Variants in HDAC9 observed in about 807,000 individuals in gnomAD.
HDAC9 encodes histone deacetylase 9.
In HDAC9, 41 loss-of-function variants were observed where a neutral mutation model predicts 139.4. The ratio of observed to expected loss-of-function variants is 0.29; its 90% CI spans 0.23 to 0.38. The LOEUF (loss-of-function observed/expected upper bound fraction) is 0.38. HDAC9 is among the 10% of genes least tolerant of loss of function. The probability of loss-of-function intolerance (pLI) is 1.00; values close to 1 mark genes in which losing one functional copy is unlikely to be tolerated. For synonymous variants in HDAC9, 517 were observed against 476.2 expected (o/e 1.09, Z -1.12); for missense variants, 1,147 against 1,297.0 (o/e 0.88, Z 1.78).
At chr7:18,876,889 A>G (rs1437179420) in intron 22 of HDAC9, among the ~76,000 whole-genome samples, 1 of 151,856 alleles carries the variant, frequency 6.6e-6, no homozygotes, top group African/African-American at 2.4e-5. Flanking sequence ...TTTAGTAGAG[A>G]CAGGGTTTCA....
intron 1 of HDAC9, among the ~76,000 whole-genome samples, chr7:18,348,163 C>T (rs1008214192): frequency 1.3e-5 from 2 of 152,154 alleles, no homozygotes; most frequent in African/African-American, 4.8e-5. Context: ...ACATGAAAAG[C>T]ACAAGCACCC....
At chr7:18,816,738 C>G (rs550329953) in intron 17 of HDAC9, among the ~76,000 whole-genome samples, 2 of 152,198 alleles carry the variant, frequency 1.3e-5, no homozygotes, top group Non-Finnish European at 2.9e-5. Flanking sequence ...CATGCATGAT[C>G]TAACTCAACA....
intron 6 of HDAC9, among the ~76,000 whole-genome samples, chr7:18,610,542 G>A (rs1253706618): frequency 1.3e-5 from 2 of 152,112 alleles, no homozygotes; most frequent in East Asian, 3.9e-4. Flanking sequence ...CCCTCTAGAC[G>A]TTTAGATGGA....
intron 1 of HDAC9, among the ~76,000 whole-genome samples, chr7:18,433,083 C>A (rs558968997): frequency 6.6e-6 from 1 of 152,134 alleles, no homozygotes; most frequent in East Asian, 1.9e-4. Context: ...TGCGAGGTTG[C>A]TTTAATATGC....
intron 16 of HDAC9, chr7:18,793,115 G>A: frequency 1.9e-6 from 1 of 514,156 alleles, no homozygotes; most frequent in Non-Finnish European, 3.5e-6. Context: ...AGAAGTCAGT[G>A]TAGAGAAAAA....
intron 1 of HDAC9, among the ~76,000 whole-genome samples, chr7:18,393,138 A>G (rs571398405): frequency 6.7e-6 from 1 of 148,392 alleles, no homozygotes; most frequent in Non-Finnish European, 1.5e-5. Context: ...TTTTTTTTTT[A>G]AAAAAACATA....
chr7:18,189,260 G>A (rs977954323), intron 2 of HDAC9, among the ~76,000 whole-genome samples: 4 of 151,238 alleles, frequency 2.6e-5, no homozygotes, highest in East Asian at 2.0e-4. Context: ...ACCAAACACC[G>A]CATGTTCTCA....
At chr7:18,467,828 A>G (rs771321053) in intron 1 of HDAC9, among the ~76,000 whole-genome samples, 28 of 152,120 alleles carry the variant, frequency 1.8e-4, no homozygotes, top group Non-Finnish European at 3.5e-4. Flanking sequence ...CCGGTATTCC[A>G]TCTGGTATAC....
chr7:18,427,333 C>G (rs1003017191), intron 1 of HDAC9, among the ~76,000 whole-genome samples: 2 of 152,140 alleles, frequency 1.3e-5, no homozygotes, highest in African/African-American at 4.8e-5. Flanking sequence ...TGGTCATTAG[C>G]AGGGGTAAGA....
intron 2 of HDAC9, among the ~76,000 whole-genome samples, chr7:18,169,551 G>C (rs1009386405): frequency 6.6e-6 from 1 of 151,572 alleles, no homozygotes; most frequent in African/African-American, 2.4e-5. Flanking sequence ...ACGTTGGTTT[G>C]CTGCACCCAT....
At chr7:18,494,047 C>T (rs1742967720), upstream of HDAC9, among the ~76,000 whole-genome samples, 1 of 152,038 alleles carries the variant, frequency 6.6e-6, no homozygotes, top group South Asian at 2.1e-4. Flanking sequence ...TTGAATTTTA[C>T]ACATAAATTT....
chr7:18,136,923 T>C (rs1394496971), intron 1 of HDAC9, among the ~76,000 whole-genome samples: 6 of 151,650 alleles, frequency 4.0e-5, no homozygotes, highest in Admixed American at 2.6e-4. Flanking sequence ...ATATTGATTC[T>C]TCCTATCCAT....
intron 21 of HDAC9, among the ~76,000 whole-genome samples, chr7:18,853,169 C>T (rs1232903133): frequency 6.6e-6 from 1 of 152,110 alleles, no homozygotes; most frequent in Non-Finnish European, 1.5e-5. Flanking sequence ...TCATCTTAAG[C>T]AGAGTGATTT....
chr7:18,637,309 AT>A (rs1784201724), intron 8 of HDAC9, among the ~76,000 whole-genome samples: 1 of 152,126 alleles, frequency 6.6e-6, no homozygotes, highest in Non-Finnish European at 1.5e-5. Flanking sequence ...TGCATATAGT[AT>A]TTAGTACAAC....
At chr7:18,673,332 CTG>C (rs1175052012) in intron 12 of HDAC9, among the ~76,000 whole-genome samples, 2 of 152,012 alleles carry the variant, frequency 1.3e-5, no homozygotes, top group African/African-American at 4.8e-5. Flanking sequence ...CTTCATGCCT[CTG>C]TTGACAGAAT....
At chr7:18,397,085 G>A (rs973672008) in intron 1 of HDAC9, among the ~76,000 whole-genome samples, 2 of 152,104 alleles carry the variant, frequency 1.3e-5, no homozygotes, top group African/African-American at 4.8e-5. Context: ...GGTATTGAGA[G>A]AATAGATTTA....
At chr7:18,951,339 G>A (rs1782781644) in intron 23 of HDAC9, among the ~76,000 whole-genome samples, 17 of 151,922 alleles carry the variant, frequency 1.1e-4, no homozygotes, top group Admixed American at 1.1e-3. Context: ...CCCTGTCACT[G>A]AGCCTGAAAA....
At chr7:18,472,864 T>C (rs554680757) in intron 1 of HDAC9, among the ~76,000 whole-genome samples, 1 of 152,344 alleles carries the variant, frequency 6.6e-6, no homozygotes, top group Admixed American at 6.5e-5. Context: ...AGGGCAGAGA[T>C]CTTGTCTCTG....
chr7:18,595,815 T>G (rs1832318886), intron 6 of HDAC9, among the ~76,000 whole-genome samples: 1 of 152,088 alleles, frequency 6.6e-6, no homozygotes, highest in Non-Finnish European at 1.5e-5. Flanking sequence ...ATCTGATATT[T>G]TTAATACTTA....
Sources: gnomAD v4.1 joint callset for allele counts (sites outside exome capture counted in the v4.1 genomes callset) on GRCh38, gnomAD v4.1.1 for gene constraint, MANE v1.5 for transcripts, NCBI Gene and HGNC (gene_info 2026-07-23, HGNC 2026-07-21) for gene names.